DLGAP2: variants seen among roughly 807,000 people sequenced by gnomAD.
The protein encoded by DLGAP2 is disks large-associated protein 2.
In DLGAP2, 26 loss-of-function variants were observed where a neutral mutation model predicts 100.3. The observed-to-expected ratio is 0.26, with a 90% confidence interval of 0.19 to 0.36. The LOEUF is 0.36. Among genes scored for constraint, DLGAP2 ranks in the 10% least tolerant of loss-of-function variants. The probability of loss-of-function intolerance (pLI) is 1.00; values close to 1 mark genes in which losing one functional copy is unlikely to be tolerated. For missense variants in DLGAP2, 1,858 were observed against 1,453.2 expected, an observed-to-expected ratio of 1.28 and a Z score of -4.53; for synonymous variants, 886 against 630.1, an observed-to-expected ratio of 1.41 and a Z score of -6.08.
At chr8:1,348,909 G>C (rs1801636934) in intron 3 of DLGAP2, among the ~76,000 whole-genome samples, 1 of 152,130 alleles carries the variant, frequency 6.6e-6, no homozygotes, top group Non-Finnish European at 1.5e-5. Context: ...CTCAGGTTTG[G>C]ATTTTGGATG....
chr8:1,409,070 C>A (rs148465034), intron 3 of DLGAP2, among the ~76,000 whole-genome samples: 2 of 152,192 alleles, frequency 1.3e-5, no homozygotes, highest in Non-Finnish European at 2.9e-5. Context: ...CCCTTCCTCA[C>A]TGTAGCAGGC....
At chr8:947,293 A>G (rs1799351761) in intron 2 of DLGAP2, among the ~76,000 whole-genome samples, 1 of 152,158 alleles carries the variant, frequency 6.6e-6, no homozygotes, top group Non-Finnish European at 1.5e-5. Flanking sequence ...GCTGGGCGCC[A>G]GGTGGTTTGG....
At chr8:1,464,263 A>G (rs1329467154) in intron 3 of DLGAP2, among the ~76,000 whole-genome samples, 9 of 134,574 alleles carry the variant, frequency 6.7e-5, no homozygotes, top group Middle Eastern at 3.5e-3. Flanking sequence ...GCTCCCTTCC[A>G]GGACGGCACC....
chr8:1,184,747 C>T (rs534288231), intron 2 of DLGAP2, among the ~76,000 whole-genome samples: 2 of 152,224 alleles, frequency 1.3e-5, no homozygotes, highest in South Asian at 2.1e-4. Flanking sequence ...GTGAGGCCAC[C>T]GGGAGGCAAG....
At chr8:1,553,496 G>GTA (rs1554496478) in intron 5 of DLGAP2, among the ~76,000 whole-genome samples, 8 of 148,242 alleles carry the variant, frequency 5.4e-5, no homozygotes, top group African/African-American at 2.0e-4. Context: ...CGTGTTCACG[G>GTA]GCAGCCCCGT....
intron 3 of DLGAP2, among the ~76,000 whole-genome samples, chr8:1,275,527 A>G (rs1343519784): frequency 6.6e-6 from 1 of 151,658 alleles, no homozygotes; most frequent in Admixed American, 6.6e-5. Flanking sequence ...GGAACTCAGA[A>G]CAGCATCATT....
intron 4 of DLGAP2, among the ~76,000 whole-genome samples, chr8:1,531,241 C>CATGT (rs1554491962): frequency 3.3e-4 from 48 of 143,332 alleles, no homozygotes; most frequent in African/African-American, 1.2e-3. Context: ...AGAGCGTGTG[C>CATGT]GTGTGTGTGT....
intron 8 of DLGAP2, among the ~76,000 whole-genome samples, chr8:1,644,607 C>G (rs76648274): frequency 0.04 from 6,019 of 152,316 alleles, 149 homozygotes; most frequent in South Asian, 0.072. Context: ...CTTCCCACTC[C>G]CTGACCAGGA....
intron 2 of DLGAP2, among the ~76,000 whole-genome samples, chr8:928,482 C>A (rs1174164298): frequency 6.6e-6 from 1 of 152,142 alleles, no homozygotes. Flanking sequence ...GCTTGGTGCT[C>A]AGGTGCCTGT....
intron 2 of DLGAP2, among the ~76,000 whole-genome samples, chr8:1,201,847 G>T (rs950458185): frequency 6.6e-6 from 1 of 151,946 alleles, no homozygotes; most frequent in African/African-American, 2.4e-5. Context: ...ACACATGTGT[G>T]TATGTGTACG....
chr8:1,618,750 A>G (rs75201341), intron 6 of DLGAP2, among the ~76,000 whole-genome samples: 5,959 of 152,038 alleles, frequency 0.039, 372 homozygotes, highest in African/African-American at 0.13. Context: ...ATTGTCTCTC[A>G]TTGGGGGGAT....
At chr8:1,180,128 A>G (rs1797347658) in intron 2 of DLGAP2, among the ~76,000 whole-genome samples, 1 of 152,254 alleles carries the variant, frequency 6.6e-6, no homozygotes, top group Non-Finnish European at 1.5e-5. Context: ...GTGCCTTCAC[A>G]GTGACGTGAA....
intron 3 of DLGAP2, among the ~76,000 whole-genome samples, chr8:1,468,297 G>T (rs964769730): frequency 6.6e-6 from 1 of 151,658 alleles, no homozygotes; most frequent in African/African-American, 2.4e-5. Context: ...GTCCCCAGCA[G>T]CCTCGGTCCA....
chr8:1,242,111 A>T (rs535393987), intron 2 of DLGAP2, among the ~76,000 whole-genome samples: 1 of 152,348 alleles, frequency 6.6e-6, no homozygotes, highest in African/African-American at 2.4e-5. Context: ...TAAAGGCACC[A>T]TGGCAGGAAC....
At chr8:1,019,070 A>T (rs1447505039) in intron 2 of DLGAP2, 1 of 152,202 alleles carries the variant, frequency 6.6e-6, no homozygotes, top group Non-Finnish European at 1.5e-5. Context: ...CCTTTGGCTC[A>T]TCTGGAAGCT....
chr8:773,896 A>G (rs944102926), intron 1 of DLGAP2, among the ~76,000 whole-genome samples: 2 of 152,120 alleles, frequency 1.3e-5, no homozygotes, highest in African/African-American at 4.8e-5. Flanking sequence ...TGGTATTTCT[A>G]GTTCTAGATC....
intron 3 of DLGAP2, among the ~76,000 whole-genome samples, chr8:1,294,046 G>T (rs78305826): frequency 6.6e-6 from 1 of 152,090 alleles, no homozygotes; most frequent in African/African-American, 2.4e-5. Context: ...GCTCCCTGCC[G>T]GGCAGAGGGG....
intron 5 of DLGAP2, among the ~76,000 whole-genome samples, chr8:1,559,991 C>G (rs1314493539): frequency 1.3e-5 from 2 of 152,212 alleles, no homozygotes; most frequent in African/African-American, 2.4e-5. Context: ...GGCTTCTCCA[C>G]CCTGATGATG....
intron 5 of DLGAP2, among the ~76,000 whole-genome samples, chr8:1,561,094 TATGAG>T (rs1802142446): frequency 6.6e-6 from 1 of 152,142 alleles, no homozygotes; most frequent in African/African-American, 2.4e-5. Flanking sequence ...GACTAAGTCT[TATGAG>T]ATCTGATGGT....
Sources: gnomAD v4.1 joint callset for allele counts (sites outside exome capture counted in the v4.1 genomes callset) on GRCh38, gnomAD v4.1.1 for gene constraint, MANE v1.5 for transcripts, NCBI Gene and HGNC (gene_info 2026-07-23, HGNC 2026-07-21) for gene names.